The following EEIG1 variants were observed in gnomAD, a reference collection of about 807,000 sequenced individuals.
EEIG1 encodes the protein estrogen-induced osteoclastogenesis regulator 1.
chr9:127,950,551 G>A, the EEIG1 span: 1 of 1,613,400 alleles, frequency 6.2e-7, no homozygotes, highest in East Asian at 2.2e-5. Flanking sequence ...TAGGAGGTGA[G>A]AGGAGCGTGT....
chr9:127,961,856 G>T, the EEIG1 span, among the ~76,000 whole-genome samples: 1 of 151,132 alleles, frequency 6.6e-6, no homozygotes, highest in African/African-American at 2.4e-5. Context: ...CGTTTGAGGA[G>T]GAGCTGGGGG....
At chr9:127,966,513 G>A in the EEIG1 span, among the ~76,000 whole-genome samples, 3 of 151,376 alleles carry the variant, frequency 2.0e-5, no homozygotes, top group Non-Finnish European at 4.4e-5. Flanking sequence ...GCAAGTGGCT[G>A]CCCTGCTCTG....
At chr9:127,944,335 T>C in the EEIG1 span, 2 of 559,286 alleles carry the variant, frequency 3.6e-6, no homozygotes, top group African/African-American at 1.9e-5. Context: ...GCCCCTGCCA[T>C]GTGCTGAGCC....
At chr9:127,943,190 C>T in the EEIG1 span, 9 of 1,614,126 alleles carry the variant, frequency 5.6e-6, no homozygotes, top group Non-Finnish European at 4.2e-6. Flanking sequence ...GACACCTGCT[C>T]CTCAATGGCT....
chr9:127,965,644 G>A, the EEIG1 span, among the ~76,000 whole-genome samples: 1 of 152,278 alleles, frequency 6.6e-6, no homozygotes, highest in African/African-American at 2.4e-5. Context: ...CTGGAGGAGT[G>A]AGCGGCAAAG....
the EEIG1 span, among the ~76,000 whole-genome samples, chr9:127,954,090 G>A: frequency 3.9e-5 from 6 of 152,324 alleles, no homozygotes; most frequent in South Asian, 2.1e-4. Flanking sequence ...GAATGTACTC[G>A]TGTAGTTGTT....
chr9:127,944,683 G>C, the EEIG1 span: 1 of 1,613,056 alleles, frequency 6.2e-7, no homozygotes, highest in Non-Finnish European at 8.5e-7. Flanking sequence ...GGAGGTTGCT[G>C]TCTGTGGGGA....
chr9:127,976,285 C>T, the EEIG1 span, among the ~76,000 whole-genome samples: 1 of 152,226 alleles, frequency 6.6e-6, no homozygotes, highest in Non-Finnish European at 1.5e-5. The surrounding 1 kb of genome is among the most constrained non-coding windows in gnomAD (Gnocchi z 4.1). Flanking sequence ...CTTCAGTTGT[C>T]CTGACCCCAG....
the EEIG1 span, among the ~76,000 whole-genome samples, chr9:127,977,354 C>G: frequency 6.6e-5 from 10 of 152,248 alleles, no homozygotes; most frequent in African/African-American, 2.4e-4. Context: ...AGACCTGGAA[C>G]TTCCCACACT....
the EEIG1 span, among the ~76,000 whole-genome samples, chr9:127,976,644 C>A: frequency 6.6e-6 from 1 of 152,226 alleles, no homozygotes; most frequent in East Asian, 1.9e-4. The surrounding 1 kb of genome is among the most constrained non-coding windows in gnomAD (Gnocchi z 4.1). Flanking sequence ...GAAGATGAGG[C>A]TGAGCAACAG....
At chr9:127,970,898 G>A in the EEIG1 span, among the ~76,000 whole-genome samples, 2 of 152,182 alleles carry the variant, frequency 1.3e-5, no homozygotes, top group Non-Finnish European at 2.9e-5. Flanking sequence ...CTTAGGGCCT[G>A]TGGCCATAGC....
At chr9:127,962,692 C>G in the EEIG1 span, among the ~76,000 whole-genome samples, 1 of 152,136 alleles carries the variant, frequency 6.6e-6, no homozygotes, top group African/African-American at 2.4e-5. Flanking sequence ...TGTAAAAAAA[C>G]TAAAATGAGC....
the EEIG1 span, among the ~76,000 whole-genome samples, chr9:127,971,522 T>C: frequency 8.3e-6 from 1 of 120,932 alleles, no homozygotes; most frequent in Non-Finnish European, 1.6e-5. Flanking sequence ...GACTGACACC[T>C]CGGGCCTGAA....
chr9:127,980,279 T>C, the EEIG1 span: 1 of 995,966 alleles, frequency 1.0e-6, no homozygotes, highest in Non-Finnish European at 1.5e-6. Context: ...GAGATCGGAG[T>C]CCGGGGCCCC....
the EEIG1 span, chr9:127,953,762 C>G: frequency 6.2e-7 from 1 of 1,613,782 alleles, no homozygotes; most frequent in South Asian, 1.1e-5. Flanking sequence ...GGGGAGGGGC[C>G]TATAGCCCAG....
chr9:127,945,519 C>T, the EEIG1 span: 1 of 1,569,630 alleles, frequency 6.4e-7, no homozygotes, highest in Non-Finnish European at 8.6e-7. The surrounding 1 kb of genome is among the most constrained non-coding windows in gnomAD (Gnocchi z 6.5). Flanking sequence ...GGCGGTGCGT[C>T]AGGTCTGAGA....
chr9:127,969,622 TC>T, the EEIG1 span, among the ~76,000 whole-genome samples: 1 of 151,952 alleles, frequency 6.6e-6, no homozygotes, highest in South Asian at 2.1e-4. Flanking sequence ...GAGCCTGCCC[TC>T]CCCATGAACA....
At chr9:127,973,204 A>G in the EEIG1 span, among the ~76,000 whole-genome samples, 2 of 152,284 alleles carry the variant, frequency 1.3e-5, no homozygotes, top group South Asian at 4.1e-4. This position sits in a 1 kb window ranked among gnomAD's most constrained non-coding sequence, Gnocchi z 4.2. Flanking sequence ...CATAGCAGTC[A>G]CCAGATGCCA....
At chr9:127,978,477 G>A in the EEIG1 span, among the ~76,000 whole-genome samples, 6 of 152,192 alleles carry the variant, frequency 3.9e-5, no homozygotes, top group South Asian at 8.3e-4. Context: ...GGGAAGCAGC[G>A]TGTCCCAGGC....
Sources: gnomAD v4.1 joint callset for allele counts (sites outside exome capture counted in the v4.1 genomes callset) on GRCh38, gnomAD v4.1.1 for gene constraint, Gnocchi (gnomAD v3.1) non-coding constraint, MANE v1.5 for transcripts, NCBI Gene and HGNC (gene_info 2026-07-23, HGNC 2026-07-21) for gene names.